The following PDHX variants were observed in gnomAD, a reference collection of about 807,000 sequenced individuals.
PDHX encodes the protein pyruvate dehydrogenase protein X component, mitochondrial.
In PDHX, 33 loss-of-function variants were observed where a neutral mutation model predicts 55.3. That is an observed-to-expected ratio of 0.60 (90% CI 0.45 to 0.80). The LOEUF is 0.80. Ranked by LOEUF, PDHX falls within the 30% of genes least tolerant of loss-of-function variation. The pLI is 0.00. For missense variants in PDHX, 622 were observed against 619.9 expected (o/e 1.00, Z -0.04); for synonymous variants, 226 against 219.4 (o/e 1.03, Z -0.27).
intron 7 of PDHX, among the ~76,000 whole-genome samples, chr11:34,971,035 T>C (rs892363189): frequency 6.6e-6 from 1 of 152,190 alleles, no homozygotes; most frequent in African/African-American, 2.4e-5. Flanking sequence ...TTTTTTGGTA[T>C]GGTATTTAAA....
rs192764488 is a variant in PDHX at position 34,921,027 on chromosome 11, A to G, written c.160+4212A>G. Among the ~76,000 whole-genome samples, 752 of 152,308 alleles carry G rather than the reference A, an allele frequency of 4.9e-3. 3 individuals carry two copies. Among genetic ancestry groups the G allele is most frequent in the Non-Finnish European group, 7.2e-3 (491 of 68,020 alleles). ...AATGGTATGGTATTTCTGCCAAAACACGGATACTCTTTTAGGCCTGGTTCT... is the reference window on the plus strand; with the variant it reads ...AATGGTATGGTATTTCTGCCAAAACGCGGATACTCTTTTAGGCCTGGTTCT... On this transcript the variant is annotated intron_variant, in intron 1 of 10. Transcript: ENST00000227868.
At chr11:34,920,079 T>C (rs1853836279) in intron 1 of PDHX, among the ~76,000 whole-genome samples, 2 of 152,178 alleles carry the variant, frequency 1.3e-5, no homozygotes, top group South Asian at 4.1e-4. Flanking sequence ...GTGACAGCCC[T>C]TACAGGCTGA....
At chr11:34,979,994 A>T (rs1855473232) in intron 8 of PDHX, among the ~76,000 whole-genome samples, 1 of 150,238 alleles carries the variant, frequency 6.7e-6, no homozygotes, top group Non-Finnish European at 1.5e-5. Flanking sequence ...TATTTTGAGG[A>T]GGGGATCTTG....
chr11:34,979,151 A>T (rs1250002031), intron 8 of PDHX, among the ~76,000 whole-genome samples: 1 of 152,162 alleles, frequency 6.6e-6, no homozygotes, highest in Non-Finnish European at 1.5e-5. Flanking sequence ...AGAAACAAGC[A>T]TTTTGGCCCA....
Position 34,917,244 on chromosome 11 carries a change from C to T in PDHX, c.160+429C>T, listed in dbSNP as rs573009186. 1.1e-4 allele frequency among the ~76,000 whole-genome samples: 16 copies of T among 152,270 alleles called. No individual in the cohort carries two copies. In the South Asian group the frequency reaches 3.1e-3, roughly 30 times the overall value. ...TCTTACTTATTCTCTAGGCCTCTCT[C>T]TGTTAGGAGGTGTTTTCATTGAGGC... On this transcript the variant is annotated intron_variant, in intron 1 of 10. Transcript: ENST00000227868.
intron 3 of PDHX, among the ~76,000 whole-genome samples, chr11:34,953,699 A>G (rs1246074775): frequency 6.6e-6 from 1 of 152,232 alleles, no homozygotes; most frequent in Non-Finnish European, 1.5e-5. Context: ...GGTAGCGATT[A>G]TATTGGATAC....
chr11:34,988,278 A>C (rs552047680), intron 9 of PDHX, among the ~76,000 whole-genome samples: 1 of 152,274 alleles, frequency 6.6e-6, no homozygotes, highest in African/African-American at 2.4e-5. Flanking sequence ...TTTTGCTGTA[A>C]GCCTTTTATA....
Position 34,966,706 on chromosome 11 carries a change from CCCCACAGCCACT to C in PDHX, c.717_728del (p.Thr240_Ala243del), listed in dbSNP as rs1855138800. On this transcript the variant is annotated inframe_deletion, in exon 6 of 11. Transcript: ENST00000227868. Reference sequence around the variant, plus strand: ...TTACCGAGTCCAGACCAACTCCAGCCCCCACAGCCACTCCCACAGCACCTTCGCCCCTACAGG... The same window carrying C: ...TTACCGAGTCCAGACCAACTCCAGCCCCCACAGCACCTTCGCCCCTACAGG... 6.2e-7 allele frequency: 1 copy of C among 1,614,146 alleles called. No individual in the cohort carries two copies.
In PDHX at chr11:34,966,622, C is replaced by T; in HGVS notation, c.642-18C>T. ...CCTTATTGCTAATTATGGTTATCTA[C>T]TTTGCTCTTATTTCCAGGGATGCTC... On this transcript the variant is annotated intron_variant, in intron 5 of 10. Transcript: ENST00000227868. The T allele has an allele frequency of 6.2e-7, 1 of 1,613,186 alleles. No homozygotes were observed. Among genetic ancestry groups the T allele is most frequent in the South Asian group, 1.1e-5 (1 of 91,054 alleles).
chr11:34,961,788 G>T (rs1214289109), intron 5 of PDHX, among the ~76,000 whole-genome samples: 1 of 150,884 alleles, frequency 6.6e-6, no homozygotes, highest in African/African-American at 2.5e-5. Flanking sequence ...GTGCCACACT[G>T]CATGAGTTGG....
chr11:34,916,249 A>G, upstream of PDHX: 3 of 1,612,474 alleles, frequency 1.9e-6, no homozygotes, highest in Non-Finnish European at 2.5e-6. Context: ...ATCTCCGGGA[A>G]CAACAGTCTC....
chr11:34,921,645 A>G (rs1343542403), intron 1 of PDHX, among the ~76,000 whole-genome samples: 1 of 152,188 alleles, frequency 6.6e-6, no homozygotes, highest in Non-Finnish European at 1.5e-5. Flanking sequence ...GCGCTAAGTA[A>G]TGACCAAGCA....
At chr11:34,970,948 A>T (rs990723132) in intron 7 of PDHX, among the ~76,000 whole-genome samples, 5 of 152,144 alleles carry the variant, frequency 3.3e-5, no homozygotes, top group Non-Finnish European at 5.9e-5. Context: ...GTGCTTTAGC[A>T]TTTACATAGG....
intron 1 of PDHX, 134 bp downstream of exon 1, chr11:34,916,949 T>C (rs1057334886): frequency 2.3e-5 from 21 of 932,882 alleles, no homozygotes; most frequent in African/African-American, 1.3e-4. Context: ...CTTTCTCCGG[T>C]TGGGGTCCGC....
intron 2 of PDHX, among the ~76,000 whole-genome samples, chr11:34,945,299 C>CT (rs1398233501): frequency 6.6e-6 from 1 of 152,100 alleles, no homozygotes; most frequent in Non-Finnish European, 1.5e-5. Flanking sequence ...TTTAAAAATA[C>CT]TAGTAGTTAA....
At chr11:34,947,628 C>G in intron 3 of PDHX, 22 bp downstream of exon 3, 1 of 1,456,096 alleles carries the variant, frequency 6.9e-7, no homozygotes. Flanking sequence ...TTTTAATTTT[C>G]TTCAACAGGA....
chr11:34,949,821 T>C (rs10488805), intron 3 of PDHX, among the ~76,000 whole-genome samples: 15,321 of 152,192 alleles, frequency 0.1, 1,620 homozygotes, highest in African/African-American at 0.27. Context: ...ATTTATGTAA[T>C]GTTTGCAATG....
intron 1 of PDHX, among the ~76,000 whole-genome samples, chr11:34,929,012 G>C (rs1854090885): frequency 6.6e-6 from 1 of 152,192 alleles, no homozygotes; most frequent in African/African-American, 2.4e-5. Context: ...GAGGTAGCTT[G>C]GGAATTCAGT....
At chr11:34,942,629 A>G (rs925582990) in intron 2 of PDHX, among the ~76,000 whole-genome samples, 1 of 152,174 alleles carries the variant, frequency 6.6e-6, no homozygotes, top group Non-Finnish European at 1.5e-5. Context: ...TTCATGGCTC[A>G]TTATTTGCTC....
Sources: allele counts gnomAD v4.1 joint callset (sites outside exome capture counted in the v4.1 genomes callset), GRCh38; gene constraint gnomAD v4.1.1; transcripts MANE v1.5; gene names NCBI Gene and HGNC (gene_info 2026-07-23, HGNC 2026-07-21).